Variants in BCL9 observed in about 807,000 individuals in gnomAD.
BCL9 encodes BCL9 transcription coactivator, also known as B-cell CLL/lymphoma 9 protein.
BCL9 carries 25 observed loss-of-function variants against 88.5 expected under a neutral mutation model. The observed-to-expected ratio is 0.28, with a 90% CI of 0.21 to 0.39. BCL9 has a LOEUF of 0.39. Among genes scored for constraint, BCL9 ranks in the 10% least tolerant of loss-of-function variants. The pLI, the probability that BCL9 is intolerant of heterozygous loss-of-function variation, is 1.00. For missense variants in BCL9, 1,817 were observed against 1,877.8 expected (o/e 0.97, Z 0.60); for synonymous variants, 711 against 673.3 (o/e 1.06, Z -0.87).
chr1:147,553,108 G>T (rs968938040), intron 1 of BCL9, among the ~76,000 whole-genome samples: 13 of 151,992 alleles, frequency 8.6e-5, no homozygotes, highest in Admixed American at 2.0e-4. Flanking sequence ...TCTGGTGGTT[G>T]TTTCAGGTTG....
rs201978609 is a variant in BCL9, at chr1:147,622,350, C to T, written c.2982C>T (p.Thr994=). 1 of 1,614,186 alleles carries T rather than the reference C, an allele frequency of 6.2e-7. No individual in the cohort carries two copies. Among genetic ancestry groups the T allele is most frequent in the Admixed American group, 1.7e-5 (1 of 60,024 alleles). The change falls in exon 9 of 10, where the codon ACC becomes ACT. Residue 994 remains threonine (T), a synonymous_variant. Coordinates refer to ENST00000234739, the MANE Select transcript of BCL9 (RefSeq NM_004326.4). ...PGSLPSSTPY[T]MPPEPTLSQN... The stretch of plus-strand genomic sequence containing the variant: ...GTCTTCCCTCTAGTACACCTTATAC[C>T]ATGCCTCCAGAGCCAACCCTTTCCC...
intron 1 of BCL9, among the ~76,000 whole-genome samples, chr1:147,559,050 A>G (rs1361292869): frequency 1.3e-5 from 2 of 151,820 alleles, no homozygotes; most frequent in Non-Finnish European, 2.9e-5. Flanking sequence ...TGGGGCTGAA[A>G]TTATTTCTGC....
chr1:147,541,736 G>A (rs1263639312), intron 1 of BCL9, 62 bp downstream of exon 1: 1 of 152,178 alleles, frequency 6.6e-6, no homozygotes, highest in Non-Finnish European at 1.5e-5. Context: ...TGGAAGTGGG[G>A]GTCTCATTCC....
intron 1 of BCL9, among the ~76,000 whole-genome samples, chr1:147,576,749 G>C (rs1656129069): frequency 6.6e-6 from 1 of 152,066 alleles, no homozygotes; most frequent in African/African-American, 2.4e-5. Context: ...GTCACTGTAG[G>C]GAACTTATGT....
chr1:147,547,116 A>G (rs1344306202), intron 1 of BCL9, among the ~76,000 whole-genome samples: 1 of 152,198 alleles, frequency 6.6e-6, no homozygotes, highest in East Asian at 1.9e-4. Context: ...TGGGGATGAC[A>G]GGACAATCTT....
intron 1 of BCL9, among the ~76,000 whole-genome samples, chr1:147,569,232 G>A (rs1214954503): frequency 6.6e-6 from 1 of 151,828 alleles, no homozygotes; most frequent in African/African-American, 2.4e-5. Flanking sequence ...AGAACTAAAA[G>A]CCTTTTTAAT....
intron 1 of BCL9, among the ~76,000 whole-genome samples, 158 bp downstream of exon 1, chr1:147,541,832 G>A (rs1010268884): frequency 2.0e-5 from 3 of 150,522 alleles, no homozygotes; most frequent in African/African-American, 4.9e-5. Flanking sequence ...CAGGACTGGG[G>A]ATGGCCCCTC....
At chr1:147,588,722 C>G (rs1553199567) in intron 1 of BCL9, among the ~76,000 whole-genome samples, 1 of 152,112 alleles carries the variant, frequency 6.6e-6, no homozygotes, top group East Asian at 1.9e-4. Flanking sequence ...ATATTGGGAC[C>G]AAAGAGCGTG....
chr1:147,560,539 G>A (rs1460096711), intron 1 of BCL9, among the ~76,000 whole-genome samples: 4 of 151,542 alleles, frequency 2.6e-5, no homozygotes, highest in East Asian at 2.0e-4. Flanking sequence ...CCCGAGAGGC[G>A]GAGGTTGCAG....
Position 147,620,624 on chromosome 1 carries a change from C to T in BCL9, c.2469C>T (p.Asn823=). The T allele has an allele frequency of 8.7e-6, 14 of 1,614,176 alleles. No individual in the cohort carries two copies. Among genetic ancestry groups the T allele is most frequent in the Non-Finnish European group, 1.2e-5 (14 of 1,180,026 alleles). The change falls in exon 8 of 10, where the codon AAC becomes AAT. Residue 823 remains asparagine, a synonymous_variant. Coordinates refer to ENST00000234739, the MANE Select transcript of BCL9 (RefSeq NM_004326.4). The part of the protein sequence containing the change: ...RLSHMPPLPL[N]PSSNPTSLNT... The stretch of plus-strand genomic sequence containing the variant: ...GTCATATGCCACCACTACCTCTCAA[C>T]CCTTCCAGTAACCCCACCAGCCTCA...
At position 147,624,212 on chromosome 1, in the gene BCL9, C is replaced by G; in HGVS notation, c.3534C>G (p.Gly1178=). 1 of 1,610,872 alleles carries G rather than the reference C, an allele frequency of 6.2e-7. No homozygotes were observed. The highest frequency in any genetic ancestry group is 1.3e-5 in the African/African-American group (1 of 74,970). ...GMGFPGEGPL[G]RPSNLPQSSA... is the part of the protein sequence containing the mutation. ...GTTTCCCAGGAGAAGGCCCCCTTGG[C>G]CGCCCCAGCAACCTGCCCCAAAGTT... is the stretch of plus-strand genomic sequence containing the variant. The change falls in exon 10 of 10, where the codon GGC becomes GGG. Residue 1178 remains glycine (G), a synonymous_variant. Transcript: ENST00000234739. This position sits in a 1 kb window ranked among gnomAD's most constrained non-coding sequence, Gnocchi z 4.4.
intron 1 of BCL9, among the ~76,000 whole-genome samples, chr1:147,593,356 TCA>T (rs1656922234): frequency 6.6e-6 from 1 of 152,366 alleles, no homozygotes; most frequent in East Asian, 1.9e-4. Flanking sequence ...ATATACATTG[TCA>T]CACATCTGAG....
chr1:147,556,730 G>A (rs931346630), intron 1 of BCL9, among the ~76,000 whole-genome samples: 6 of 152,142 alleles, frequency 3.9e-5, no homozygotes, highest in African/African-American at 1.4e-4. Context: ...TTACAGGTGT[G>A]AGCCACTGCA....
intron 1 of BCL9, among the ~76,000 whole-genome samples, chr1:147,552,453 A>C (rs1395884665): frequency 6.6e-6 from 1 of 152,064 alleles, no homozygotes; most frequent in East Asian, 1.9e-4. Context: ...TAAAAAATAC[A>C]AAATTAGCCA....
chr1:147,561,195 C>T (rs1655360644), intron 1 of BCL9, among the ~76,000 whole-genome samples: 1 of 152,182 alleles, frequency 6.6e-6, no homozygotes, highest in African/African-American at 2.4e-5. Flanking sequence ...AAACTTTTAT[C>T]TTTTTTTCTC....
intron 1 of BCL9, among the ~76,000 whole-genome samples, chr1:147,562,068 C>T (rs113713417): frequency 0.012 from 1,890 of 152,248 alleles, 22 homozygotes; most frequent in East Asian, 0.056. Context: ...GTGGCTCACG[C>T]CTGTAATCCC....
chr1:147,542,707 C>T (rs587664717), intron 1 of BCL9, among the ~76,000 whole-genome samples: 73 of 144,288 alleles, frequency 5.1e-4, no homozygotes, highest in Middle Eastern at 3.5e-3. Context: ...ATTTATTGGC[C>T]GATTTGTACA....
chr1:147,587,430 C>T (rs1034238402), intron 1 of BCL9, among the ~76,000 whole-genome samples: 5 of 152,182 alleles, frequency 3.3e-5, no homozygotes, highest in Admixed American at 6.5e-5. Flanking sequence ...GCACCTCTGC[C>T]GTTGCATTTC....
intron 1 of BCL9, among the ~76,000 whole-genome samples, chr1:147,603,742 C>T (rs587707140): frequency 6.6e-6 from 1 of 152,160 alleles, no homozygotes; most frequent in East Asian, 1.9e-4. Flanking sequence ...AACTCCTGAC[C>T]TTGTGATCTG....
Sources: allele counts gnomAD v4.1 joint callset (sites outside exome capture counted in the v4.1 genomes callset), GRCh38; gene constraint gnomAD v4.1.1; non-coding constraint Gnocchi (gnomAD v3.1); transcripts MANE v1.5; gene names NCBI Gene and HGNC (gene_info 2026-07-23, HGNC 2026-07-21).